MROH2B: variants seen among roughly 807,000 people sequenced by gnomAD.
MROH2B encodes the protein maestro heat-like repeat-containing protein family member 2B.
MROH2B carries 177 observed loss-of-function variants against 208.6 expected under a neutral mutation model. The observed-to-expected ratio is 0.85, with a 90% CI of 0.75 to 0.96. The LOEUF (loss-of-function observed/expected upper bound fraction) is 0.96. Ranked by LOEUF, MROH2B falls within the 40% of genes least tolerant of loss-of-function variation. The probability of loss-of-function intolerance (pLI) is 0.00; values close to 1 mark genes in which losing one functional copy is unlikely to be tolerated. For missense variants in MROH2B, 2,002 were observed against 1,878.7 expected, an observed-to-expected ratio of 1.07 and a Z score of -1.21; for synonymous variants, 728 against 659.0, an observed-to-expected ratio of 1.10 and a Z score of -1.60.
Position 40,999,922 on chromosome 5 carries a change from T to C in MROH2B, c.4483-143A>G, listed in dbSNP as rs1346604697. ...AATTAATTGGCTGAAAATTGTCTTA[T>C]GGGTATTTTGATCTACATTTAATCA... On this transcript the variant is annotated intron_variant, in intron 39 of 41. Transcript: ENST00000399564. The C allele has an allele frequency of 6.7e-6, 5 of 745,666 alleles. No individual in the cohort carries two copies. In the African/African-American group the frequency reaches 7.1e-5, roughly 11 times the overall value. 46.2% of individuals were successfully genotyped at this position (745,666 alleles called of 1,614,324 possible). A position where few individuals can be genotyped will look rare whatever the true frequency, so the allele number is the denominator to read the frequency against.
intron 3 of MROH2B, among the ~76,000 whole-genome samples, chr5:41,066,349 TA>T (rs1304917979): frequency 6.6e-6 from 1 of 152,176 alleles, no homozygotes; most frequent in Non-Finnish European, 1.5e-5. Context: ...ACTCACAATA[TA>T]GGTTGGAATG....
At chr5:41,024,712 C>A (rs761091142) in intron 24 of MROH2B, among the ~76,000 whole-genome samples, 2 of 152,180 alleles carry the variant, frequency 1.3e-5, no homozygotes, top group Non-Finnish European at 2.9e-5. Context: ...AACTCTCCAC[C>A]CCAAATCAAC....
chr5:41,046,216 T>A (rs2150173862), intron 17 of MROH2B, among the ~76,000 whole-genome samples: 1 of 151,638 alleles, frequency 6.6e-6, no homozygotes, highest in African/African-American at 2.4e-5. Flanking sequence ...GATATTAACT[T>A]AACTGATTAC....
chr5:41,030,831 T>C (rs1742543559), intron 24 of MROH2B, among the ~76,000 whole-genome samples: 1 of 152,050 alleles, frequency 6.6e-6, no homozygotes, highest in Non-Finnish European at 1.5e-5. Flanking sequence ...GCCAACAATA[T>C]GAATGTATTT....
intron 30 of MROH2B, among the ~76,000 whole-genome samples, chr5:41,012,174 T>C (rs1579909009): frequency 6.6e-6 from 1 of 152,130 alleles, no homozygotes; most frequent in South Asian, 2.1e-4. Context: ...ATGAACACTA[T>C]GGGGTGTGGG....
intron 38 of MROH2B, 148 bp downstream of exon 38, chr5:41,000,530 G>A (rs903771333): frequency 2.6e-5 from 34 of 1,322,632 alleles, no homozygotes; most frequent in Non-Finnish European, 3.4e-5. Flanking sequence ...GAGATAGTAA[G>A]AAGAACCTAG....
intron 41 of MROH2B, 107 bp from the exon 42 acceptor site, chr5:40,998,265 G>T (rs2111773244): frequency 1.3e-6 from 1 of 787,154 alleles, no homozygotes; most frequent in East Asian, 2.5e-5. Flanking sequence ...TCAGACCCAA[G>T]TGGGGCTCAG....
rs1253783364 is a variant in MROH2B at position 41,018,868 on chromosome 5, C to A, written c.2577+15G>T. The A allele has an allele frequency of 6.2e-7, 1 of 1,613,846 alleles. No homozygotes were observed. On this transcript the variant is annotated intron_variant, in intron 25 of 41. Coordinates refer to ENST00000399564, the MANE Select transcript of MROH2B (RefSeq NM_173489.5). ...CTGCAGACTGTCATCCTACTTAGGC[C>A]TCACTAGTGCATACTTGAATGTGCT...
In MROH2B at chr5:41,018,446, T is replaced by C. The variant is rs756349910; in HGVS notation, c.2674-16A>G. The C allele has an allele frequency of 1.2e-6, 2 of 1,604,818 alleles. No individual in the cohort carries two copies. Among genetic ancestry groups the C allele is most frequent in the Admixed American group, 3.4e-5 (2 of 58,956 alleles). ...TTTGGAGAAGCTGTTGGTCAAAGAA[T>C]AAATGTTCTTTCCTTAGTATTCTTC... is the stretch of plus-strand genomic sequence containing the variant. On this transcript the variant is annotated splice_polypyrimidine_tract_variant and intron_variant, in intron 26 of 41. Transcript: ENST00000399564.
At chr5:41,025,056 AG>A (rs1742301235) in intron 24 of MROH2B, among the ~76,000 whole-genome samples, 1 of 152,254 alleles carries the variant, frequency 6.6e-6, no homozygotes. Flanking sequence ...GGAAATTTAT[AG>A]CACTAAATGC....
intron 10 of MROH2B, among the ~76,000 whole-genome samples, chr5:41,055,227 C>G (rs2150178287): frequency 6.6e-6 from 1 of 152,248 alleles, no homozygotes; most frequent in East Asian, 1.9e-4. Context: ...TGTATTTTAG[C>G]AAGTCTAAGA....
chr5:41,022,300 C>T (rs1742177759), intron 24 of MROH2B, among the ~76,000 whole-genome samples: 1 of 152,178 alleles, frequency 6.6e-6, no homozygotes, highest in Admixed American at 6.5e-5. Flanking sequence ...CCTTTCCTAG[C>T]AAAGGGAAGA....
chr5:41,046,874 G>C (rs1186126429), intron 17 of MROH2B, among the ~76,000 whole-genome samples: 2 of 152,198 alleles, frequency 1.3e-5, no homozygotes, highest in South Asian at 4.1e-4. Context: ...CAGGAGAGTA[G>C]AGCAGTCACT....
At chr5:41,036,817 G>T (rs1742780402) in intron 21 of MROH2B, among the ~76,000 whole-genome samples, 1 of 152,046 alleles carries the variant, frequency 6.6e-6, no homozygotes. Context: ...AAATAATTTT[G>T]TTCAGATCTA....
chr5:41,003,917 C>T (rs1421128743), intron 37 of MROH2B, among the ~76,000 whole-genome samples: 3 of 152,012 alleles, frequency 2.0e-5, no homozygotes, highest in Non-Finnish European at 4.4e-5. Flanking sequence ...TTTGAAATTG[C>T]GATTATGGAG....
intron 39 of MROH2B, chr5:41,000,012 T>A (rs926405700): frequency 2.8e-6 from 2 of 709,448 alleles, no homozygotes; most frequent in Admixed American, 3.0e-5. Context: ...GGAGAATATA[T>A]CCCAGTCAGG....
chr5:41,048,250 T>C, intron 16 of MROH2B, 74 bp downstream of exon 16: 1 of 1,498,474 alleles, frequency 6.7e-7, no homozygotes, highest in Non-Finnish European at 8.9e-7. Flanking sequence ...TTAATGGCTT[T>C]ACACAGAGAA....
chr5:41,008,487 T>C (rs1741664466), intron 33 of MROH2B, 119 bp downstream of exon 33: 1 of 1,178,320 alleles, frequency 8.5e-7, no homozygotes, highest in Non-Finnish European at 1.2e-6. Flanking sequence ...TGTAGAGCCT[T>C]GTTTCTTCAT....
intron 3 of MROH2B, among the ~76,000 whole-genome samples, chr5:41,066,400 A>G (rs909795233): frequency 6.6e-6 from 1 of 152,212 alleles, no homozygotes; most frequent in African/African-American, 2.4e-5. Flanking sequence ...ATTGATCTAG[A>G]GAGATAAGCC....
Sources: gnomAD v4.1 joint callset for allele counts (sites outside exome capture counted in the v4.1 genomes callset) on GRCh38, gnomAD v4.1.1 for gene constraint, MANE v1.5 for transcripts, NCBI Gene and HGNC (gene_info 2026-07-23, HGNC 2026-07-21) for gene names.